Variants in LRMDA observed in about 807,000 individuals in gnomAD.
LRMDA encodes leucine-rich melanocyte differentiation-associated protein.
A neutral mutation model predicts 29.8 loss-of-function variants in LRMDA; 18 were observed. The ratio of observed to expected loss-of-function variants is 0.60; its 90% CI spans 0.42 to 0.90. The LOEUF (loss-of-function observed/expected upper bound fraction) is 0.90. LRMDA is among the 40% of genes least tolerant of loss of function. LRMDA has a pLI of 0.00. For synonymous variants in LRMDA, 125 were observed against 109.4 expected (o/e 1.14, Z -0.89); for missense variants, 273 against 273.9 (o/e 1.00, Z 0.02).
chr10:76,109,656 G>A (rs376621065), intron 5 of LRMDA, among the ~76,000 whole-genome samples: 4 of 152,120 alleles, frequency 2.6e-5, no homozygotes, highest in African/African-American at 7.2e-5. Context: ...CTTATTCAGC[G>A]ATTCAGTGCA....
intron 6 of LRMDA, among the ~76,000 whole-genome samples, chr10:76,383,652 G>A (rs1015970746): frequency 2.0e-5 from 3 of 150,196 alleles, no homozygotes; most frequent in South Asian, 2.1e-4. Flanking sequence ...GGATGGTCTC[G>A]ATCTCCTGAC....
At chr10:75,558,753 T>C (rs1840250445) in intron 2 of LRMDA, among the ~76,000 whole-genome samples, 1 of 150,300 alleles carries the variant, frequency 6.7e-6, no homozygotes, top group African/African-American at 2.4e-5. Context: ...CATTGTTCAA[T>C]TTCCACCTAT....
At chr10:75,724,262 GAC>G (rs1842604487) in intron 2 of LRMDA, among the ~76,000 whole-genome samples, 1 of 152,174 alleles carries the variant, frequency 6.6e-6, no homozygotes, top group Admixed American at 6.5e-5. Context: ...ACATTAGTCT[GAC>G]AACCTATAAT....
chr10:75,526,983 T>C (rs993447278), intron 2 of LRMDA, among the ~76,000 whole-genome samples: 3 of 152,222 alleles, frequency 2.0e-5, no homozygotes, highest in Non-Finnish European at 2.9e-5. Flanking sequence ...TCTTGAACAT[T>C]TTCATGCCTC....
intron 6 of LRMDA, among the ~76,000 whole-genome samples, chr10:76,395,409 C>T (rs1312724385): frequency 6.6e-6 from 1 of 152,202 alleles, no homozygotes; most frequent in Non-Finnish European, 1.5e-5. Context: ...GTCATTGCCC[C>T]TCAGCCCATA....
intron 6 of LRMDA, among the ~76,000 whole-genome samples, chr10:76,492,296 T>C (rs1175633377): frequency 6.6e-6 from 1 of 152,056 alleles, no homozygotes. Flanking sequence ...TAGATATTTA[T>C]TATAGTCTTC....
rs1432362057 is a variant in LRMDA, at chr10:75,913,866, C to CT, written c.132-122141dup. On this transcript the variant is annotated intron_variant, in intron 2 of 6. Coordinates refer to ENST00000611255, the MANE Select transcript of LRMDA (RefSeq NM_001305581.2). ...TATCTGTCTAGGCCACCTGAGCAGG[C>CT]TCCCATTTGCTTATTTTCCCGTATG... Among the ~76,000 whole-genome samples, 3 of 152,304 alleles carry CT rather than the reference C, an allele frequency of 2.0e-5. No homozygotes were observed. In the East Asian group the frequency reaches 5.8e-4, roughly 29 times the overall value.
chr10:75,807,788 A>G (rs1001091127), intron 2 of LRMDA, among the ~76,000 whole-genome samples: 1 of 152,176 alleles, frequency 6.6e-6, no homozygotes, highest in African/African-American at 2.4e-5. Context: ...ACCTGTATTT[A>G]TGTTGATTCT....
chr10:75,903,043 G>C (rs1242300362), intron 2 of LRMDA, among the ~76,000 whole-genome samples: 2 of 152,206 alleles, frequency 1.3e-5, no homozygotes, highest in Admixed American at 1.3e-4. Flanking sequence ...GGGCCGTTCT[G>C]ACTGATGACT....
Position 76,320,330 on chromosome 10 carries a change from A to G in LRMDA, c.517-4071A>G, listed in dbSNP as rs562179426. 3.3e-5 allele frequency among the ~76,000 whole-genome samples: 5 copies of G among 152,326 alleles called. No homozygotes were observed. The South Asian group carries it at 1.0e-3, about 32-fold the overall frequency. On this transcript the variant is annotated intron_variant, in intron 5 of 6. Transcript: ENST00000611255. The stretch of plus-strand genomic sequence containing the variant: ...AGTAACCTTCAGAATGCTTTGATGT[A>G]TCTTCAGCAGAAGGATTTATAAGGC...
intron 2 of LRMDA, among the ~76,000 whole-genome samples, chr10:75,915,120 C>CTTTTTTTTTTTTTTTT (rs71024579): frequency 1.3e-5 from 1 of 75,218 alleles, no homozygotes; most frequent in African/African-American, 5.4e-5. Flanking sequence ...GTCTAACCTT[C>CTTTTTTTTTTTTTTTT]TTTTTTTTTT....
At chr10:76,139,289 G>A (rs1241098966) in intron 5 of LRMDA, among the ~76,000 whole-genome samples, 2 of 152,094 alleles carry the variant, frequency 1.3e-5, no homozygotes, top group African/African-American at 4.8e-5. Flanking sequence ...AAGTGATCTT[G>A]CAAGACCCTT....
intron 5 of LRMDA, among the ~76,000 whole-genome samples, chr10:76,316,749 A>G (rs938663501): frequency 3.9e-5 from 6 of 152,228 alleles, no homozygotes; most frequent in African/African-American, 1.4e-4. Context: ...ATTATGTTCT[A>G]TGTTTGAATA....
rs549095314 is a variant in LRMDA at position 76,378,670 on chromosome 10, G to A, written c.601+54185G>A. Among the ~76,000 whole-genome samples the A allele has an allele frequency of 3.3e-5, 5 of 151,708 alleles. No homozygotes were observed. The East Asian group carries it at 9.7e-4, about 29-fold the overall frequency. The stretch of plus-strand genomic sequence containing the variant: ...GGCTTTTGTTTTTATTTGTGCTTAT[G>A]TGGTGAATCACATTTATTGATTTGC... On this transcript the variant is annotated intron_variant, in intron 6 of 6. Transcript: ENST00000611255.
intron 3 of LRMDA, 108 bp downstream of exon 3, chr10:76,036,242 C>A (rs1848243298): frequency 6.3e-6 from 7 of 1,110,068 alleles, no homozygotes; most frequent in South Asian, 1.6e-5. Flanking sequence ...TTTTACGTGT[C>A]AGCTAAATTA....
intron 2 of LRMDA, among the ~76,000 whole-genome samples, chr10:75,675,495 A>G (rs995278992): frequency 2.3e-4 from 35 of 152,330 alleles, no homozygotes; most frequent in African/African-American, 7.2e-4. Context: ...GTGGACTAGG[A>G]TACATATGTA....
At chr10:75,796,671 C>T (rs547501827) in intron 2 of LRMDA, among the ~76,000 whole-genome samples, 2 of 152,360 alleles carry the variant, frequency 1.3e-5, no homozygotes, top group Non-Finnish European at 2.9e-5. Flanking sequence ...CTCCCGGGTT[C>T]AAGCGATTCT....
intron 2 of LRMDA, among the ~76,000 whole-genome samples, chr10:76,007,589 A>G (rs1239845199): frequency 6.6e-6 from 1 of 152,214 alleles, no homozygotes; most frequent in Non-Finnish European, 1.5e-5. Flanking sequence ...GTGAGACGAT[A>G]GAGTGGCACT....
chr10:76,146,096 G>A (rs1850312288), intron 5 of LRMDA, among the ~76,000 whole-genome samples: 1 of 152,018 alleles, frequency 6.6e-6, no homozygotes, highest in African/African-American at 2.4e-5. Context: ...TTGCTGAGGA[G>A]TGCTTTACTT....
Sources: gnomAD v4.1 joint callset for allele counts (sites outside exome capture counted in the v4.1 genomes callset) on GRCh38, gnomAD v4.1.1 for gene constraint, MANE v1.5 for transcripts, NCBI Gene and HGNC (gene_info 2026-07-23, HGNC 2026-07-21) for gene names.